Variants in SCAPER observed in about 807,000 individuals in gnomAD.
SCAPER encodes the protein S phase cyclin A-associated protein in the endoplasmic reticulum.
SCAPER carries 98 observed loss-of-function variants against 182.2 expected under a neutral mutation model. That is an observed-to-expected ratio of 0.54 (90% CI 0.46 to 0.64). SCAPER has a LOEUF of 0.64. Among genes scored for constraint, SCAPER ranks in the 30% least tolerant of loss-of-function variants. The probability of loss-of-function intolerance (pLI) is 0.00; values close to 1 mark genes in which losing one functional copy is unlikely to be tolerated. For synonymous variants in SCAPER, 605 were observed against 564.6 expected (o/e 1.07, Z -1.01); for missense variants, 1,432 against 1,690.0 (o/e 0.85, Z 2.68).
intron 22 of SCAPER, among the ~76,000 whole-genome samples, chr15:76,607,301 T>A (rs1285503424): frequency 1.3e-5 from 2 of 152,204 alleles, no homozygotes; most frequent in African/African-American, 4.8e-5. Flanking sequence ...GATATGAAAT[T>A]CTGGGTTGAA....
intron 27 of SCAPER, among the ~76,000 whole-genome samples, chr15:76,401,343 C>G (rs2044441693): frequency 6.6e-6 from 1 of 152,052 alleles, no homozygotes; most frequent in Non-Finnish European, 1.5e-5. Context: ...AACCCTATGC[C>G]ATCTCCCCTA....
intron 21 of SCAPER, among the ~76,000 whole-genome samples, chr15:76,660,112 T>C (rs1489551398): frequency 1.3e-5 from 2 of 152,058 alleles, no homozygotes; most frequent in African/African-American, 2.4e-5. Flanking sequence ...AAGCTGGAGG[T>C]CATTATTCTA....
intron 2 of SCAPER, among the ~76,000 whole-genome samples, chr15:76,869,296 A>C (rs527922080): frequency 6.6e-6 from 1 of 152,304 alleles, no homozygotes; most frequent in East Asian, 1.9e-4. Flanking sequence ...AGGCTTCTGC[A>C]TAACAAAGGA....
intron 23 of SCAPER, among the ~76,000 whole-genome samples, chr15:76,542,548 A>AAAAAT (rs371485796): frequency 0.057 from 8,467 of 149,684 alleles, 303 homozygotes; most frequent in South Asian, 0.11. Context: ...ATAAATAAAT[A>AAAAAT]AAAATAAAAT....
intron 23 of SCAPER, among the ~76,000 whole-genome samples, chr15:76,510,886 T>C (rs112757382): frequency 4.7e-4 from 65 of 138,934 alleles, no homozygotes; most frequent in African/African-American, 1.5e-3. Context: ...TGTGTGTGTG[T>C]GTGCGCGCGC....
At chr15:76,443,594 T>C (rs1319368711) in intron 25 of SCAPER, among the ~76,000 whole-genome samples, 2 of 152,204 alleles carry the variant, frequency 1.3e-5, no homozygotes, top group African/African-American at 4.8e-5. Flanking sequence ...AGAATTCATT[T>C]TGTGCTCTAA....
At position 76,596,494 on chromosome 15, in the gene SCAPER, C is replaced by T. The variant is rs2049508049; in HGVS notation, c.2712-22210G>A. On this transcript the variant is annotated intron_variant, in intron 22 of 31. Coordinates refer to ENST00000563290, the MANE Select transcript of SCAPER (RefSeq NM_020843.4). ...CCAGCATCATCCTGATACCAAAACTCAGCAGAGACACAACAAAAAAAGAAA... is the reference window on the plus strand; with the variant it reads ...CCAGCATCATCCTGATACCAAAACTTAGCAGAGACACAACAAAAAAAGAAA... Among the ~76,000 whole-genome samples, 4 of 120,692 alleles carry T rather than the reference C, an allele frequency of 3.3e-5. No individual in the cohort carries two copies. In the South Asian group the frequency reaches 7.8e-4, roughly 23 times the overall value. 79.2% of individuals were successfully genotyped at this position (120,692 alleles called of 152,430 possible).
intron 21 of SCAPER, among the ~76,000 whole-genome samples, chr15:76,648,668 C>T (rs1597913754): frequency 6.6e-6 from 1 of 152,194 alleles, no homozygotes; most frequent in East Asian, 1.9e-4. Context: ...TCCTCAGTAA[C>T]ATTTCCTTTT....
At position 76,596,030 on chromosome 15, in the gene SCAPER, G is replaced by T. The variant is rs1438521883; in HGVS notation, c.2712-21746C>A. On this transcript the variant is annotated intron_variant, in intron 22 of 31. Transcript: ENST00000563290. ...CAGTGAATCCAGGAGCTGGTTTTTT[G>T]AAAAGATTAACAACATAGATGGACC... 7.4e-5 allele frequency among the ~76,000 whole-genome samples: 9 copies of T among 120,924 alleles called. 4 individuals are homozygous for T. The highest frequency in any genetic ancestry group is 1.8e-4 in the Non-Finnish European group (9 of 49,824). 79.3% of individuals were successfully genotyped at this position (120,924 alleles called of 152,430 possible). A position where few individuals can be genotyped will look rare whatever the true frequency, so the allele number is the denominator to read the frequency against.
At chr15:76,542,573 T>TA in intron 23 of SCAPER, among the ~76,000 whole-genome samples, 2 of 147,166 alleles carry the variant, frequency 1.4e-5, no homozygotes, top group South Asian at 4.2e-4. Flanking sequence ...TAAAATAAAA[T>TA]AAAATAAAAA....
At chr15:76,889,749 T>C (rs1396105066) in intron 1 of SCAPER, among the ~76,000 whole-genome samples, 1 of 152,104 alleles carries the variant, frequency 6.6e-6, no homozygotes, top group African/African-American at 2.4e-5. Flanking sequence ...ACTCTCAGTA[T>C]TAGACAGATT....
chr15:76,512,927 C>T (rs1305596143), intron 23 of SCAPER, among the ~76,000 whole-genome samples: 1 of 151,816 alleles, frequency 6.6e-6, no homozygotes, highest in Non-Finnish European at 1.5e-5. Context: ...TCCCAAATCT[C>T]CACCTGGAGC....
intron 16 of SCAPER, among the ~76,000 whole-genome samples, chr15:76,729,606 T>C (rs1305399372): frequency 6.6e-6 from 1 of 152,118 alleles, no homozygotes; most frequent in African/African-American, 2.4e-5. Context: ...CCTGGTTTTG[T>C]TTCCTGACCC....
intron 25 of SCAPER, among the ~76,000 whole-genome samples, chr15:76,445,856 G>A (rs999199601): frequency 6.6e-6 from 1 of 152,120 alleles, no homozygotes; most frequent in Non-Finnish European, 1.5e-5. Context: ...TTAAAATCTC[G>A]ATTTCCCACT....
chr15:76,750,251 A>G (rs1180734954), intron 15 of SCAPER, among the ~76,000 whole-genome samples: 1 of 151,966 alleles, frequency 6.6e-6, no homozygotes, highest in Non-Finnish European at 1.5e-5. Flanking sequence ...AAAAAAATTT[A>G]GAAAATATGA....
At chr15:76,684,808 A>C (rs985505132) in intron 20 of SCAPER, among the ~76,000 whole-genome samples, 7 of 151,970 alleles carry the variant, frequency 4.6e-5, no homozygotes, top group Admixed American at 3.9e-4. Flanking sequence ...CCAGGACCAG[A>C]TGAATTTTCA....
chr15:76,805,485 G>A (rs535438874), intron 5 of SCAPER, among the ~76,000 whole-genome samples: 1 of 151,894 alleles, frequency 6.6e-6, no homozygotes, highest in African/African-American at 2.4e-5. Context: ...CTATCATTGG[G>A]GGTTATGTGC....
chr15:76,544,715 G>A (rs970175753), intron 23 of SCAPER, among the ~76,000 whole-genome samples: 1 of 152,120 alleles, frequency 6.6e-6, no homozygotes, highest in Non-Finnish European at 1.5e-5. Flanking sequence ...TTTCTGGGGT[G>A]ATGAAAATCT....
chr15:76,642,210 G>A (rs1228090915), intron 21 of SCAPER, among the ~76,000 whole-genome samples: 2 of 152,078 alleles, frequency 1.3e-5, no homozygotes, highest in Admixed American at 6.6e-5. Context: ...AATTATACTT[G>A]ATACCTTGAT....
Sources: gnomAD v4.1 joint callset for allele counts (sites outside exome capture counted in the v4.1 genomes callset) on GRCh38, gnomAD v4.1.1 for gene constraint, MANE v1.5 for transcripts, NCBI Gene and HGNC (gene_info 2026-07-23, HGNC 2026-07-21) for gene names.